The following SYN2 variants were observed in gnomAD, a reference collection of about 807,000 sequenced individuals.
The protein encoded by SYN2 is synapsin-2.
Under a neutral mutation model 50.9 loss-of-function variants are expected in SYN2, and 19 were observed. The observed-to-expected ratio is 0.37, with a 90% CI of 0.26 to 0.55. SYN2 has a LOEUF of 0.55. SYN2 is among the 20% of genes least tolerant of loss of function. The pLI is 0.81. For missense variants in SYN2, 587 were observed against 576.4 expected (o/e 1.02, Z -0.19); for synonymous variants, 255 against 224.9 (o/e 1.13, Z -1.20).
At chr3:12,058,931 G>A (rs1300440413) in intron 1 of SYN2, among the ~76,000 whole-genome samples, 1 of 152,164 alleles carries the variant, frequency 6.6e-6, no homozygotes, top group Non-Finnish European at 1.5e-5. Context: ...ATTCCCACCA[G>A]TTTGGATGAG....
intron 1 of SYN2, among the ~76,000 whole-genome samples, chr3:12,037,902 A>G (rs894542504): frequency 6.6e-6 from 1 of 152,064 alleles, no homozygotes; most frequent in Non-Finnish European, 1.5e-5. Flanking sequence ...ACATGTTTTT[A>G]ATTTTGATGA....
chr3:12,159,561 C>A (rs1377312232), intron 5 of SYN2, among the ~76,000 whole-genome samples: 1 of 152,080 alleles, frequency 6.6e-6, no homozygotes, highest in Non-Finnish European at 1.5e-5. Flanking sequence ...TTTCTCACTC[C>A]CAGAGCCTCA....
chr3:12,114,036 A>G (rs1293027395), intron 1 of SYN2, among the ~76,000 whole-genome samples: 1 of 150,730 alleles, frequency 6.6e-6, no homozygotes, highest in Non-Finnish European at 1.5e-5. Flanking sequence ...GCACCGTTTT[A>G]TATTCCCACC....
At chr3:12,040,430 CTTTTTTTTTTTTTT>C (rs34991752) in intron 1 of SYN2, among the ~76,000 whole-genome samples, 1 of 109,274 alleles carries the variant, frequency 9.2e-6, no homozygotes, top group African/African-American at 3.3e-5. Flanking sequence ...AGTTCTGTTT[CTTTTTTTTTTTTTT>C]TTTTTTGAGA....
At chr3:12,148,819 C>T (rs1697212957) in intron 4 of SYN2, 1 of 152,126 alleles carries the variant, frequency 6.6e-6, no homozygotes, top group African/African-American at 2.4e-5. Context: ...TCCAAGAAAT[C>T]TTTCTTGATT....
At chr3:12,074,434 T>A (rs1484704675) in intron 1 of SYN2, among the ~76,000 whole-genome samples, 2 of 152,140 alleles carry the variant, frequency 1.3e-5, no homozygotes. Flanking sequence ...CCCACTCTTT[T>A]TTCAGTCCAT....
chr3:12,186,284 T>C (rs1363217186), intron 11 of SYN2, among the ~76,000 whole-genome samples: 1 of 152,106 alleles, frequency 6.6e-6, no homozygotes, highest in African/African-American at 2.4e-5. Flanking sequence ...CACTAGTCAG[T>C]AGGTGCTAAT....
rs1698448891 is a variant in SYN2 at position 12,191,792 on chromosome 3, A to G, written c.*1167A>G. On this transcript the variant is annotated 3_prime_UTR_variant, in exon 13 of 13. Transcript: ENST00000621198. ...TGCCTGGTCTATCATCAAGCTCCTC[A>G]GCTGAGGCCCACATGGTGGTGCCAA... 6.6e-6 allele frequency among the ~76,000 whole-genome samples: 1 copy of G among 152,154 alleles called. No individual in the cohort carries two copies. The highest frequency in any genetic ancestry group is 1.9e-4 in the East Asian group (1 of 5,200).
chr3:12,118,699 A>G (rs753613137), intron 1 of SYN2, among the ~76,000 whole-genome samples: 1 of 152,140 alleles, frequency 6.6e-6, no homozygotes, highest in East Asian at 1.9e-4. Context: ...TACCTTAAGG[A>G]TATTTGTTAT....
intron 1 of SYN2, among the ~76,000 whole-genome samples, chr3:12,094,376 G>A (rs985166103): frequency 6.6e-6 from 1 of 152,018 alleles, no homozygotes; most frequent in Non-Finnish European, 1.5e-5. Flanking sequence ...CCTTTACTAG[G>A]CACTGTGATA....
intron 1 of SYN2, among the ~76,000 whole-genome samples, chr3:12,023,677 A>G (rs556868638): frequency 1.7e-4 from 26 of 152,286 alleles, no homozygotes; most frequent in Non-Finnish European, 3.1e-4. Context: ...GTCAGTAGAA[A>G]GTTGTGAAGG....
At chr3:12,187,318 G>T in intron 11 of SYN2, 51 bp from the exon 12 acceptor site, 1 of 1,476,550 alleles carries the variant, frequency 6.8e-7, no homozygotes, top group Non-Finnish European at 9.0e-7. Flanking sequence ...TTCTAATAAG[G>T]AAACATTTTT....
At chr3:12,069,059 T>C (rs1438396746) in intron 1 of SYN2, among the ~76,000 whole-genome samples, 1 of 152,218 alleles carries the variant, frequency 6.6e-6, no homozygotes, top group East Asian at 1.9e-4. Context: ...CTTAGCGTAA[T>C]GTTTTCAAGG....
In SYN2 at chr3:12,161,531, C is replaced by A. The variant is rs949972081; in HGVS notation, c.775-15C>A. ...GCACACTCTGACAGTTTATTCATTT[C>A]TCTTCTGATTTCAGCTGACACTGCC... On this transcript the variant is annotated splice_polypyrimidine_tract_variant and intron_variant, in intron 5 of 12. Coordinates refer to ENST00000621198, the MANE Select transcript of SYN2 (RefSeq NM_133625.6). 6.2e-7 allele frequency: 1 copy of A among 1,613,922 alleles called. No homozygotes were observed. The highest frequency in any genetic ancestry group is 8.5e-7 in the Non-Finnish European group (1 of 1,179,846).
chr3:12,164,762 A>G (rs1327262053), intron 7 of SYN2, among the ~76,000 whole-genome samples: 1 of 152,176 alleles, frequency 6.6e-6, no homozygotes, highest in East Asian at 1.9e-4. Context: ...TTGTTAGAGA[A>G]TGGTGTGAAG....
At chr3:12,108,355 A>G (rs190885233) in intron 1 of SYN2, among the ~76,000 whole-genome samples, 1 of 152,334 alleles carries the variant, frequency 6.6e-6, no homozygotes, top group East Asian at 1.9e-4. Context: ...AGCGTGGATG[A>G]AAATAACGCA....
At chr3:12,053,575 T>G (rs1410686703) in intron 1 of SYN2, among the ~76,000 whole-genome samples, 1 of 152,190 alleles carries the variant, frequency 6.6e-6, no homozygotes, top group Non-Finnish European at 1.5e-5. Context: ...GTAATTTGTA[T>G]TTATATCAGT....
At chr3:12,070,845 G>A (rs1695336748) in intron 1 of SYN2, 1 of 585,348 alleles carries the variant, frequency 1.7e-6, no homozygotes, top group Admixed American at 1.9e-5. Flanking sequence ...TCAACACCAT[G>A]GCTGAGTGGG....
chr3:12,120,870 T>C (rs1319082159), intron 1 of SYN2, among the ~76,000 whole-genome samples: 1 of 152,224 alleles, frequency 6.6e-6, no homozygotes, highest in African/African-American at 2.4e-5. Flanking sequence ...TCTTCGCCTG[T>C]TAAAATTTTA....
Sources: allele counts gnomAD v4.1 joint callset (sites outside exome capture counted in the v4.1 genomes callset), GRCh38; gene constraint gnomAD v4.1.1; transcripts MANE v1.5; gene names NCBI Gene and HGNC (gene_info 2026-07-23, HGNC 2026-07-21).